Variants in SCLT1 observed in about 807,000 individuals in gnomAD.
SCLT1 encodes sodium channel and clathrin linker 1.
A neutral mutation model predicts 112.8 loss-of-function variants in SCLT1; 78 were observed. The ratio of observed to expected loss-of-function variants is 0.69; its 90% CI spans 0.58 to 0.83. SCLT1 has a LOEUF of 0.83. Among genes scored for constraint, SCLT1 ranks in the 40% least tolerant of loss-of-function variants. The pLI is 0.00. For synonymous variants in SCLT1, 257 were observed against 254.7 expected (o/e 1.01, Z -0.09); for missense variants, 747 against 770.4 (o/e 0.97, Z 0.36).
chr4:129,073,949 A>G (rs979141754), intron 2 of SCLT1, among the ~76,000 whole-genome samples: 2 of 152,008 alleles, frequency 1.3e-5, no homozygotes, highest in Non-Finnish European at 2.9e-5. Context: ...CATCTGAACC[A>G]CTCCCAACCA....
chr4:129,043,509 T>C, intron 3 of SCLT1, 42 bp from the exon 4 acceptor site: 1 of 868,460 alleles, frequency 1.2e-6, no homozygotes, highest in Non-Finnish European at 1.8e-6. Context: ...CTGTTCCATC[T>C]AGTTTAATAA....
At chr4:129,068,328 A>G (rs973884134) in intron 2 of SCLT1, among the ~76,000 whole-genome samples, 1 of 152,188 alleles carries the variant, frequency 6.6e-6, no homozygotes, top group Non-Finnish European at 1.5e-5. Context: ...GCTAGTTTAC[A>G]TTCCTACCAG....
chr4:128,966,283 T>C (rs1740181719), intron 10 of SCLT1, among the ~76,000 whole-genome samples: 1 of 152,078 alleles, frequency 6.6e-6, no homozygotes, highest in African/African-American at 2.4e-5. Flanking sequence ...TCATTTTAAT[T>C]CCTCTATTGC....
Position 128,954,477 on chromosome 4 carries a change from C to T in SCLT1, c.1147-1637G>A, listed in dbSNP as rs568347075. ...TACAGGCACCTGCCACCACATCCAG[C>T]TAATTTTTTGTATTTTTAGTAGAGA... On this transcript the variant is annotated intron_variant, in intron 13 of 20. Transcript: ENST00000281142. Among the ~76,000 whole-genome samples, 8 of 152,172 alleles carry T rather than the reference C, an allele frequency of 5.3e-5. No homozygotes were observed. In the East Asian group the frequency reaches 1.6e-3, roughly 30 times the overall value.
chr4:128,973,679 A>C (rs1392288754), intron 9 of SCLT1, among the ~76,000 whole-genome samples: 3 of 152,160 alleles, frequency 2.0e-5, no homozygotes, highest in African/African-American at 7.2e-5. Flanking sequence ...ATTCCTTTGA[A>C]ATGAAATCTC....
intron 2 of SCLT1, among the ~76,000 whole-genome samples, chr4:129,048,570 C>A (rs1319503265): frequency 6.6e-6 from 1 of 151,096 alleles, no homozygotes; most frequent in Non-Finnish European, 1.5e-5. Flanking sequence ...TAGGCATGGG[C>A]AAGGACTTCA....
chr4:129,060,505 G>A (rs1749864539), intron 2 of SCLT1, among the ~76,000 whole-genome samples: 1 of 152,098 alleles, frequency 6.6e-6, no homozygotes, highest in South Asian at 2.1e-4. Flanking sequence ...CTGCAGTTGG[G>A]CTTTAGTGTA....
At chr4:129,020,133 A>G (rs1745337668) in intron 5 of SCLT1, among the ~76,000 whole-genome samples, 1 of 152,340 alleles carries the variant, frequency 6.6e-6, no homozygotes, top group Admixed American at 6.5e-5. Context: ...TTAGACATAT[A>G]AGGTTTTATT....
chr4:128,971,604 G>A (rs766505393), intron 9 of SCLT1: 8 of 152,178 alleles, frequency 5.3e-5, no homozygotes, highest in Non-Finnish European at 8.8e-5. Flanking sequence ...TTCACAATAC[G>A]TAATAAAACT....
intron 17 of SCLT1, among the ~76,000 whole-genome samples, chr4:128,937,670 G>C (rs1461582418): frequency 6.6e-6 from 1 of 152,124 alleles, no homozygotes; most frequent in Non-Finnish European, 1.5e-5. Flanking sequence ...ATTAATGAAT[G>C]AATTATTTTT....
chr4:128,971,053 T>G (rs2126033838), intron 9 of SCLT1: 1 of 152,304 alleles, frequency 6.6e-6, no homozygotes, highest in Non-Finnish European at 1.5e-5. Context: ...CTAACAGAAT[T>G]AAATAAGTTT....
chr4:129,024,827 G>A (rs1343441120), intron 5 of SCLT1, among the ~76,000 whole-genome samples: 5 of 152,008 alleles, frequency 3.3e-5, no homozygotes, highest in Non-Finnish European at 5.9e-5. Flanking sequence ...TGTATAACTA[G>A]AATAACCAAT....
chr4:128,896,812 T>A (rs1302705105), intron 18 of SCLT1, among the ~76,000 whole-genome samples: 1 of 151,840 alleles, frequency 6.6e-6, no homozygotes, highest in Non-Finnish European at 1.5e-5. Context: ...GAATAACGAA[T>A]GCAGAGAAGT....
intron 1 of SCLT1, among the ~76,000 whole-genome samples, chr4:129,084,062 C>T (rs140755071): frequency 2.0e-5 from 3 of 152,084 alleles, no homozygotes; most frequent in Non-Finnish European, 2.9e-5. Context: ...TGAATGCTTA[C>T]GTAAAATACA....
At chr4:128,920,032 C>T (rs112432319) in intron 18 of SCLT1, among the ~76,000 whole-genome samples, 404 of 152,238 alleles carry the variant, frequency 2.7e-3, no homozygotes, top group Middle Eastern at 0.01. Flanking sequence ...AGGGACTTCT[C>T]TTTAACTCAT....
intron 13 of SCLT1, among the ~76,000 whole-genome samples, chr4:128,954,866 T>C (rs564529798): frequency 6.6e-6 from 1 of 152,290 alleles, no homozygotes; most frequent in East Asian, 1.9e-4. Context: ...AATGTTCCTA[T>C]AACATAAAAA....
At chr4:128,960,876 C>T (rs1314167108) in intron 11 of SCLT1, among the ~76,000 whole-genome samples, 9 of 144,594 alleles carry the variant, frequency 6.2e-5, no homozygotes, top group Non-Finnish European at 1.4e-4. Flanking sequence ...GCAGAGATTG[C>T]GCCACTGCAG....
intron 5 of SCLT1, among the ~76,000 whole-genome samples, chr4:129,032,494 C>T (rs371679925): frequency 5.9e-5 from 9 of 151,984 alleles, no homozygotes; most frequent in African/African-American, 1.9e-4. Context: ...CAAATGGGAT[C>T]GAATTAAATG....
Position 129,044,029 on chromosome 4 carries a change from CCTT to C in SCLT1, c.122_124del (p.Glu41del). ...TACTAGGTTTTCAAATGTGTCGTCT[CCTT>C]CTCCTTGGCAGACAGCTTTCTATAA... On this transcript the variant is annotated inframe_deletion, in exon 3 of 21. Coordinates refer to ENST00000281142, the MANE Select transcript of SCLT1 (RefSeq NM_144643.4). 1 of 1,570,774 alleles carries C rather than the reference CCTT, an allele frequency of 6.4e-7. No individual in the cohort carries two copies. Among genetic ancestry groups the C allele is most frequent in the Non-Finnish European group, 8.7e-7 (1 of 1,145,872 alleles).
Sources: allele counts gnomAD v4.1 joint callset (sites outside exome capture counted in the v4.1 genomes callset), GRCh38; gene constraint gnomAD v4.1.1; transcripts MANE v1.5; gene names NCBI Gene and HGNC (gene_info 2026-07-23, HGNC 2026-07-21).